Variants in MAGI2 observed in about 807,000 individuals in gnomAD.
The protein encoded by MAGI2 is membrane-associated guanylate kinase, WW and PDZ domain-containing protein 2.
Under a neutral mutation model 133.3 loss-of-function variants are expected in MAGI2, and 35 were observed. The observed-to-expected ratio is 0.26, with a 90% confidence interval of 0.20 to 0.35. The LOEUF is 0.35. MAGI2 is among the 10% of genes least tolerant of loss of function. The probability of loss-of-function intolerance (pLI) is 1.00; values close to 1 mark genes in which losing one functional copy is unlikely to be tolerated. For missense variants in MAGI2, 1,636 were observed against 1,863.4 expected, an observed-to-expected ratio of 0.88 and a Z score of 2.25; for synonymous variants, 729 against 710.6, an observed-to-expected ratio of 1.03 and a Z score of -0.41.
At chr7:79,115,854 G>GTTTGT (rs1351704565) in intron 1 of MAGI2, among the ~76,000 whole-genome samples, 11 of 93,946 alleles carry the variant, frequency 1.2e-4, no homozygotes, top group African/African-American at 4.4e-4. Flanking sequence ...ATGTTTTAAA[G>GTTTGT]TTTTTTTTTT....
chr7:78,249,635 T>A (rs886453250), intron 10 of MAGI2, among the ~76,000 whole-genome samples: 2 of 151,996 alleles, frequency 1.3e-5, no homozygotes, highest in African/African-American at 4.8e-5. Flanking sequence ...ATCTCACTTA[T>A]ATGCAGAATA....
chr7:79,106,991 T>C (rs1818503374), intron 1 of MAGI2, among the ~76,000 whole-genome samples: 1 of 152,216 alleles, frequency 6.6e-6, no homozygotes, highest in Non-Finnish European at 1.5e-5. Flanking sequence ...TAATTTACTC[T>C]GGTAGACCAA....
intron 2 of MAGI2, among the ~76,000 whole-genome samples, chr7:78,691,908 G>A (rs1219721266): frequency 6.6e-6 from 1 of 152,138 alleles, no homozygotes; most frequent in Non-Finnish European, 1.5e-5. Flanking sequence ...TGGACTTTAA[G>A]TGATAATGAT....
intron 3 of MAGI2, among the ~76,000 whole-genome samples, chr7:78,609,315 A>C (rs745445717): frequency 6.6e-6 from 1 of 152,158 alleles, no homozygotes; most frequent in Non-Finnish European, 1.5e-5. Flanking sequence ...TCCTGAGATC[A>C]TAATCTTCAG....
intron 3 of MAGI2, among the ~76,000 whole-genome samples, chr7:78,527,006 C>CA (rs55707442): frequency 0.011 from 515 of 45,300 alleles, 34 homozygotes; most frequent in East Asian, 0.019. Context: ...GACTCCATCT[C>CA]AAAAAAAAAA....
At chr7:78,246,897 T>G (rs1312729251) in intron 10 of MAGI2, among the ~76,000 whole-genome samples, 1 of 152,190 alleles carries the variant, frequency 6.6e-6, no homozygotes. Flanking sequence ...GCTGGCCCCC[T>G]GGGCCTAAGC....
chr7:79,365,111 A>G (rs995523979), intron 1 of MAGI2, among the ~76,000 whole-genome samples: 4 of 152,224 alleles, frequency 2.6e-5, no homozygotes, highest in African/African-American at 9.6e-5. Context: ...AAGGAAATAC[A>G]GATGGCAAAT....
chr7:78,935,979 A>C (rs1342689200), intron 2 of MAGI2, among the ~76,000 whole-genome samples: 1 of 152,054 alleles, frequency 6.6e-6, no homozygotes, highest in Non-Finnish European at 1.5e-5. Flanking sequence ...TCTAGATGTA[A>C]TTTTTTAATA....
intron 18 of MAGI2, among the ~76,000 whole-genome samples, chr7:78,131,785 A>G (rs1157704604): frequency 3.3e-5 from 5 of 152,184 alleles, no homozygotes; most frequent in African/African-American, 1.2e-4. Context: ...TTAGTCTATG[A>G]TGCCTATCTC....
At chr7:79,335,746 C>T (rs1315409286) in intron 1 of MAGI2, among the ~76,000 whole-genome samples, 2 of 151,882 alleles carry the variant, frequency 1.3e-5, no homozygotes, top group Non-Finnish European at 2.9e-5. Context: ...GAGCTAAAAG[C>T]TATTGAGAAT....
intron 2 of MAGI2, among the ~76,000 whole-genome samples, chr7:78,693,496 G>T (rs144600710): frequency 9.9e-5 from 15 of 152,212 alleles, no homozygotes; most frequent in Non-Finnish European, 1.8e-4. Context: ...TAAAACATTT[G>T]TATTTACTAC....
At chr7:78,636,898 G>A (rs966202793) in intron 2 of MAGI2, among the ~76,000 whole-genome samples, 2 of 152,182 alleles carry the variant, frequency 1.3e-5, no homozygotes, top group Non-Finnish European at 2.9e-5. Context: ...CAGATAGCTG[G>A]TTCTCACTCC....
intron 3 of MAGI2, among the ~76,000 whole-genome samples, chr7:78,565,839 A>G (rs1050992718): frequency 6.6e-6 from 1 of 152,192 alleles, no homozygotes; most frequent in Non-Finnish European, 1.5e-5. Context: ...CATGCAGTCA[A>G]ATAGCATTTA....
intron 20 of MAGI2, among the ~76,000 whole-genome samples, chr7:78,108,725 T>C (rs866172344): frequency 3.0e-4 from 44 of 146,750 alleles, no homozygotes; most frequent in African/African-American, 1.0e-3. Flanking sequence ...TATATGTGTG[T>C]GTATACACAC....
chr7:79,402,955 T>C (rs1047343774), intron 1 of MAGI2, among the ~76,000 whole-genome samples: 1 of 152,230 alleles, frequency 6.6e-6, no homozygotes, highest in Admixed American at 6.5e-5. Flanking sequence ...TTAGGTACCC[T>C]GTTCCTCAGT....
chr7:78,736,690 G>T (rs936411291), intron 2 of MAGI2, among the ~76,000 whole-genome samples: 3 of 152,060 alleles, frequency 2.0e-5, no homozygotes, highest in Non-Finnish European at 4.4e-5. Context: ...AGAAGCAGTG[G>T]CAAGTATAAC....
At chr7:79,397,212 A>G (rs949116398) in intron 1 of MAGI2, among the ~76,000 whole-genome samples, 4 of 149,490 alleles carry the variant, frequency 2.7e-5, no homozygotes, top group African/African-American at 9.7e-5. Flanking sequence ...CATTGTTTAT[A>G]TATGTATATA....
intron 3 of MAGI2, among the ~76,000 whole-genome samples, chr7:78,583,658 C>G (rs534853758): frequency 6.6e-6 from 1 of 152,012 alleles, no homozygotes; most frequent in Non-Finnish European, 1.5e-5. Flanking sequence ...AAGATTAGAT[C>G]CAAGCTGAAT....
At chr7:79,135,494 A>T (rs2129545649) in intron 1 of MAGI2, among the ~76,000 whole-genome samples, 1 of 152,304 alleles carries the variant, frequency 6.6e-6, no homozygotes. Flanking sequence ...ATGTCAAAAA[A>T]TAGGGCAATT....
Sources: allele counts gnomAD v4.1 joint callset (sites outside exome capture counted in the v4.1 genomes callset), GRCh38; gene constraint gnomAD v4.1.1; transcripts MANE v1.5; gene names NCBI Gene and HGNC (gene_info 2026-07-23, HGNC 2026-07-21).